Variants in AGPAT5 observed in about 807,000 individuals in gnomAD.
AGPAT5 encodes the protein 1-acyl-sn-glycerol-3-phosphate acyltransferase epsilon.
Under a neutral mutation model 45.6 loss-of-function variants are expected in AGPAT5, and 46 were observed. The observed-to-expected ratio is 1.01, with a 90% CI of 0.80 to 1.29. The LOEUF (loss-of-function observed/expected upper bound fraction) is 1.29. Among genes scored for constraint, AGPAT5 ranks in the 50% most tolerant of loss-of-function variants. The pLI is 0.00. For synonymous variants in AGPAT5, 272 were observed against 167.0 expected, an observed-to-expected ratio of 1.63 and a Z score of -4.85; for missense variants, 673 against 450.7, an observed-to-expected ratio of 1.49 and a Z score of -4.47.
chr8:6,730,935 C>T (rs1800842331), intron 3 of AGPAT5, 109 bp downstream of exon 3: 2 of 615,982 alleles, frequency 3.2e-6, no homozygotes, highest in African/African-American at 2.0e-5. Flanking sequence ...GTGGTGTGAA[C>T]ACAGCTCACT....
chr8:6,735,302 C>T (rs1186714400), intron 4 of AGPAT5, among the ~76,000 whole-genome samples: 1 of 152,150 alleles, frequency 6.6e-6, no homozygotes, highest in East Asian at 1.9e-4. Context: ...CTGAGCCCTT[C>T]CCACAGGGCT....
intron 3 of AGPAT5, among the ~76,000 whole-genome samples, chr8:6,731,821 G>T (rs1396499881): frequency 6.6e-6 from 1 of 152,008 alleles, no homozygotes; most frequent in Non-Finnish European, 1.5e-5. Context: ...AGATCAAGGT[G>T]TTGACAGGGT....
At position 6,757,408 on chromosome 8, in the gene AGPAT5, C is replaced by A. The variant is rs1306233299; in HGVS notation, c.*20C>A. ...GCATAGACAAGTAGCTGTCTCCAGA[C>A]AGTGGGATGTGCTACATTGTCTATT... On this transcript the variant is annotated 3_prime_UTR_variant, in exon 8 of 8. Coordinates refer to ENST00000285518, the MANE Select transcript of AGPAT5 (RefSeq NM_018361.5). 1.3e-6 allele frequency: 2 copies of A among 1,594,862 alleles called. No individual in the cohort carries two copies. Among genetic ancestry groups the A allele is most frequent in the Non-Finnish European group, 1.7e-6 (2 of 1,162,606 alleles).
At chr8:6,747,102 C>G (rs1801497759) in intron 5 of AGPAT5, among the ~76,000 whole-genome samples, 2 of 152,142 alleles carry the variant, frequency 1.3e-5, no homozygotes, top group South Asian at 4.1e-4. Flanking sequence ...TTCATAATAG[C>G]CAAAGTATGG....
At chr8:6,757,075 T>C in intron 7 of AGPAT5, 88 bp from the exon 8 acceptor site, 4 of 972,160 alleles carry the variant, frequency 4.1e-6, no homozygotes, top group Non-Finnish European at 6.1e-6. Flanking sequence ...GCATAACTTT[T>C]CCAGCGTGTA....
chr8:6,752,520 C>T (rs906927894), intron 6 of AGPAT5, among the ~76,000 whole-genome samples: 2 of 152,040 alleles, frequency 1.3e-5, no homozygotes, highest in Admixed American at 6.5e-5. Context: ...GTTATCTCCC[C>T]GGCTTCATCT....
At chr8:6,751,788 CTATTT>C (rs1383156735) in intron 6 of AGPAT5, among the ~76,000 whole-genome samples, 1 of 152,034 alleles carries the variant, frequency 6.6e-6, no homozygotes, top group East Asian at 1.9e-4. Flanking sequence ...CTTTGGTATT[CTATTT>C]GAGTATTGTG....
intron 4 of AGPAT5, among the ~76,000 whole-genome samples, chr8:6,735,556 C>T (rs1801022635): frequency 2.0e-5 from 3 of 152,234 alleles, no homozygotes; most frequent in Admixed American, 6.5e-5. Flanking sequence ...CCCAACTAAA[C>T]AACCACTTGC....
intron 1 of AGPAT5, among the ~76,000 whole-genome samples, chr8:6,717,989 C>T (rs1800386463): frequency 6.6e-6 from 1 of 152,158 alleles, no homozygotes; most frequent in African/African-American, 2.4e-5. Flanking sequence ...TTCCGTATGT[C>T]ATCTGGATTA....
In AGPAT5 at chr8:6,748,911, C is replaced by T. The variant is rs544935163; in HGVS notation, c.745+1083C>T. Among the ~76,000 whole-genome samples, 10 of 152,296 alleles carry T rather than the reference C, an allele frequency of 6.6e-5. No homozygotes were observed. The South Asian group carries it at 2.1e-3, about 32-fold the overall frequency. On this transcript the variant is annotated intron_variant, in intron 6 of 7. Transcript: ENST00000285518. ...TTTACATGGAAACCCTCACCTGAAG[C>T]ATTCGTCTGAAGTTGATGTGCCTTG...
At position 6,711,963 on chromosome 8, in the gene AGPAT5, T is replaced by C. The variant is rs183163852; in HGVS notation, c.219+3076T>C. Among the ~76,000 whole-genome samples, 14 of 152,336 alleles carry C rather than the reference T, an allele frequency of 9.2e-5. 1 individual carries two copies. In the East Asian group the frequency reaches 2.7e-3, roughly 29 times the overall value. ...CTTAATTATAACTGCAAAGAGCCTT[T>C]TTCCAAATAAGAAAACATTCACAGG... On this transcript the variant is annotated intron_variant, in intron 1 of 7. Transcript: ENST00000285518.
At chr8:6,718,703 A>C (rs2116864644) in intron 1 of AGPAT5, among the ~76,000 whole-genome samples, 1 of 152,338 alleles carries the variant, frequency 6.6e-6, no homozygotes, top group African/African-American at 2.4e-5. Flanking sequence ...TGTTCTTATG[A>C]TACTGCTGCC....
At chr8:6,754,772 A>C (rs768729173) in intron 6 of AGPAT5, among the ~76,000 whole-genome samples, 2 of 152,158 alleles carry the variant, frequency 1.3e-5, no homozygotes, top group Non-Finnish European at 2.9e-5. Flanking sequence ...AAAAGTTGTC[A>C]CATGAAAAAT....
intron 5 of AGPAT5, chr8:6,745,305 C>G (rs1801402516): frequency 6.5e-6 from 1 of 154,414 alleles, no homozygotes; most frequent in African/African-American, 2.4e-5. Context: ...CCTTACTTCT[C>G]TGCAGGGGTT....
At chr8:6,722,392 G>C (rs1800531013) in intron 1 of AGPAT5, among the ~76,000 whole-genome samples, 1 of 152,104 alleles carries the variant, frequency 6.6e-6, no homozygotes. Flanking sequence ...CTTAACAACA[G>C]CAAAAGTTTT....
At chr8:6,748,838 G>A (rs1482658437) in intron 6 of AGPAT5, among the ~76,000 whole-genome samples, 1 of 152,146 alleles carries the variant, frequency 6.6e-6, no homozygotes, top group Non-Finnish European at 1.5e-5. Context: ...GCTTGTATCA[G>A]TAGGATCTAC....
Position 6,724,928 on chromosome 8 carries a change from A to G in AGPAT5, c.278A>G (p.His93Arg). 1 of 1,164,844 alleles carries G rather than the reference A, an allele frequency of 8.6e-7. No homozygotes were observed. Among genetic ancestry groups the G allele is most frequent in the Non-Finnish European group, 1.1e-6 (1 of 882,560 alleles). The allele number at this position is 1,164,844 out of a possible 1,614,324, so 72.2% of individuals were successfully genotyped here. ...GAAAATATAATATATTTAGCAAATCATCAAAGCACAGGTTTGTATTTCATT... is the reference window on the plus strand; with the variant it reads ...GAAAATATAATATATTTAGCAAATCGTCAAAGCACAGGTTTGTATTTCATT... The part of the protein sequence containing the change: ...NKENIIYLAN[H>R]QSTVDWIVAD... The change falls in exon 2 of 8, where the codon CAT becomes CGT. Residue 93 changes from histidine (H) to arginine (R), a missense_variant. Transcript: ENST00000285518.
chr8:6,723,276 C>G (rs927295784), intron 1 of AGPAT5, among the ~76,000 whole-genome samples: 3 of 152,142 alleles, frequency 2.0e-5, no homozygotes, highest in Non-Finnish European at 4.4e-5. Flanking sequence ...GGGCTGGGGA[C>G]TTGTCATTAG....
chr8:6,727,501 C>T (rs1800728522), intron 2 of AGPAT5, among the ~76,000 whole-genome samples: 1 of 152,132 alleles, frequency 6.6e-6, no homozygotes, highest in Non-Finnish European at 1.5e-5. Context: ...CCTGCCTCAG[C>T]CTCCCGAGTA....
Sources: allele counts gnomAD v4.1 joint callset (sites outside exome capture counted in the v4.1 genomes callset), GRCh38; gene constraint gnomAD v4.1.1; transcripts MANE v1.5; gene names NCBI Gene and HGNC (gene_info 2026-07-23, HGNC 2026-07-21).